The following OSBPL6 variants were observed in gnomAD, a reference collection of about 807,000 sequenced individuals.
OSBPL6 encodes oxysterol binding protein like 6.
In OSBPL6, 49 loss-of-function variants were observed where a neutral mutation model predicts 125.8. The observed-to-expected ratio is 0.39, with a 90% CI of 0.31 to 0.49. The LOEUF is 0.49. Among genes scored for constraint, OSBPL6 ranks in the 20% least tolerant of loss-of-function variants. The probability of loss-of-function intolerance (pLI) is 0.88; values close to 1 mark genes in which losing one functional copy is unlikely to be tolerated. For missense variants in OSBPL6, 986 were observed against 1,135.4 expected (o/e 0.87, Z 1.89); for synonymous variants, 394 against 391.8 (o/e 1.01, Z -0.07).
chr2:178,348,750 T>C (rs1262229759), intron 11 of OSBPL6, among the ~76,000 whole-genome samples: 1 of 152,238 alleles, frequency 6.6e-6, no homozygotes, highest in Admixed American at 6.5e-5. Context: ...AAGCCTGATT[T>C]GTTTTTTATT....
At position 178,359,932 on chromosome 2, in the gene OSBPL6, C is replaced by T. The variant is rs144031835; in HGVS notation, c.1154-1750C>T. Among the ~76,000 whole-genome samples the T allele has an allele frequency of 2.1e-3, 314 of 152,192 alleles. 1 individual carries two copies. Among genetic ancestry groups the T allele is most frequent in the Middle Eastern group, 0.01 (3 of 294 alleles). On this transcript the variant is annotated intron_variant, in intron 12 of 24. Transcript: ENST00000190611. Reference sequence around the variant, plus strand: ...GCAAATCCCGTCTCTACTAAAATTACGAAAATTAGTCAGGCGTGGTGGTGC... The same window carrying T: ...GCAAATCCCGTCTCTACTAAAATTATGAAAATTAGTCAGGCGTGGTGGTGC...
intron 3 of OSBPL6, chr2:178,323,739 A>G (rs186347094): frequency 2.0e-5 from 3 of 152,714 alleles, no homozygotes; most frequent in African/African-American, 7.2e-5. Flanking sequence ...CTGAGATTAC[A>G]AGCATGAGCC....
At position 178,339,726 on chromosome 2, in the gene OSBPL6, A is replaced by G. The variant is rs766089770; in HGVS notation, c.949A>G (p.Thr317Ala). 2 of 1,606,734 alleles carry G rather than the reference A, an allele frequency of 1.2e-6. No individual in the cohort carries two copies. The highest frequency in any genetic ancestry group is 1.1e-5 in the South Asian group (1 of 89,618). Residue 317 changes from threonine to alanine, a missense_variant, in exon 11 of 25, where the codon ACA becomes GCA. By Grantham distance (58) the Thr-to-Ala change is moderately conservative. Around this residue, in one of 3 missense-constraint regions of OSBPL6, gnomAD observed 843 missense variants for 997.3 expected, o/e 0.85. Transcript: ENST00000190611. The stretch of plus-strand genomic sequence containing the variant: ...CAAGCGGGTCACAAGACGATGGAGA[A>G]CAAAAAGTGTCAGCAAAGATACAAA... ...KDKRVTRRWR[T>A]KSVSKDTKIQ...
chr2:178,392,563 A>G, intron 23 of OSBPL6, 25 bp downstream of exon 23: 1 of 1,611,928 alleles, frequency 6.2e-7, no homozygotes, highest in East Asian at 2.2e-5. Flanking sequence ...GGTATTTAAT[A>G]TGCAGACTAT....
chr2:178,289,296 G>A lies in OSBPL6; in HGVS notation c.-156+4175G>A, dbSNP rs192811930. Among the ~76,000 whole-genome samples the A allele has an allele frequency of 3.0e-3, 464 of 152,226 alleles. 7 individuals carry two copies. The highest frequency in any genetic ancestry group is 0.011 in the African/African-American group (446 of 41,542). On this transcript the variant is annotated intron_variant, in intron 2 of 24. Coordinates refer to ENST00000190611, the MANE Select transcript of OSBPL6 (RefSeq NM_032523.4). The stretch of plus-strand genomic sequence containing the variant: ...CTCCCAGAGTGCTGGGATTACAGGC[G>A]TGAGCTACTGTGCCCAGCCAGTTTT...
chr2:178,379,118 G>A (rs928214570), intron 15 of OSBPL6, among the ~76,000 whole-genome samples: 13 of 151,876 alleles, frequency 8.6e-5, no homozygotes, highest in South Asian at 4.2e-4. Flanking sequence ...GCTGTGTCGA[G>A]CTGTGATTGT....
At chr2:178,251,071 CTG>C (rs1018759791) in intron 1 of OSBPL6, among the ~76,000 whole-genome samples, 1 of 152,052 alleles carries the variant, frequency 6.6e-6, no homozygotes, top group Admixed American at 6.6e-5. Flanking sequence ...ATTTGATTCT[CTG>C]TGTTTGTCCA....
At chr2:178,342,190 G>C (rs758402779) in intron 11 of OSBPL6, among the ~76,000 whole-genome samples, 1 of 152,082 alleles carries the variant, frequency 6.6e-6, no homozygotes, top group Non-Finnish European at 1.5e-5. Context: ...AGGCTCTCAA[G>C]CAGTGAGAGC....
At chr2:178,225,146 T>A (rs2153973893) in intron 1 of OSBPL6, among the ~76,000 whole-genome samples, 1 of 151,538 alleles carries the variant, frequency 6.6e-6, no homozygotes, top group East Asian at 1.9e-4. Context: ...ATGCAGATGC[T>A]AATAGGCAGA....
At position 178,395,465 on chromosome 2, in the gene OSBPL6, CCAAT is replaced by C. The variant is rs1235495505; in HGVS notation, c.2715_2718del (p.Asn905LysfsTer23). On this transcript the variant is annotated frameshift_variant, in exon 25 of 25. Coordinates refer to ENST00000190611, the MANE Select transcript of OSBPL6 (RefSeq NM_032523.4). LOFTEE classifies it high-confidence loss of function. ...TATTTTCACAGAAAAGTTATTGATG[CCAAT>C]CAAAGAGAAGCCTGGGTTTCTAACG... The C allele has an allele frequency of 6.2e-7, 1 of 1,612,910 alleles. No homozygotes were observed.
chr2:178,322,835 T>C (rs1329470127), intron 3 of OSBPL6, among the ~76,000 whole-genome samples: 1 of 152,062 alleles, frequency 6.6e-6, no homozygotes, highest in Non-Finnish European at 1.5e-5. Context: ...GTGACACTTG[T>C]ATCTTTGATC....
intron 3 of OSBPL6, among the ~76,000 whole-genome samples, chr2:178,310,196 G>A (rs1202512445): frequency 6.6e-6 from 1 of 152,110 alleles, no homozygotes; most frequent in Non-Finnish European, 1.5e-5. Context: ...TTCCAGTGTA[G>A]TTGGGATATT....
At chr2:178,317,227 A>G (rs945577159) in intron 3 of OSBPL6, among the ~76,000 whole-genome samples, 8 of 151,326 alleles carry the variant, frequency 5.3e-5, no homozygotes, top group Non-Finnish European at 8.8e-5. Context: ...ATTAAAATAT[A>G]ATGAAATTGC....
chr2:178,261,392 TG>T (rs2092056854), intron 1 of OSBPL6, among the ~76,000 whole-genome samples: 1 of 138,032 alleles, frequency 7.2e-6, no homozygotes, highest in East Asian at 2.1e-4. Flanking sequence ...ACATTATAAT[TG>T]AAAAAAAAAA....
At chr2:178,237,639 G>C (rs1574583487) in intron 1 of OSBPL6, among the ~76,000 whole-genome samples, 1 of 152,100 alleles carries the variant, frequency 6.6e-6, no homozygotes, top group South Asian at 2.1e-4. Context: ...TTTTGGGCTG[G>C]ATAATTCTTT....
At chr2:178,285,943 C>T (rs533673769) in intron 2 of OSBPL6, among the ~76,000 whole-genome samples, 3 of 152,144 alleles carry the variant, frequency 2.0e-5, no homozygotes, top group Admixed American at 6.5e-5. Context: ...GATGCCATTC[C>T]CGCCCTTTCC....
intron 1 of OSBPL6, among the ~76,000 whole-genome samples, chr2:178,281,551 G>C (rs1195641548): frequency 6.6e-6 from 1 of 152,024 alleles, no homozygotes; most frequent in East Asian, 1.9e-4. Context: ...GCTTGTTTTT[G>C]TCACGTTTGT....
At chr2:178,320,602 A>C (rs1688152034) in intron 3 of OSBPL6, among the ~76,000 whole-genome samples, 1 of 152,258 alleles carries the variant, frequency 6.6e-6, no homozygotes, top group East Asian at 1.9e-4. Context: ...TCACTCTGAA[A>C]GAATATGAAA....
At chr2:178,378,578 A>T (rs1258979708) in intron 15 of OSBPL6, among the ~76,000 whole-genome samples, 4 of 152,186 alleles carry the variant, frequency 2.6e-5, no homozygotes, top group Non-Finnish European at 5.9e-5. Context: ...CACATTTAGG[A>T]AAAATATATA....
Sources: gnomAD v4.1 joint callset for allele counts (sites outside exome capture counted in the v4.1 genomes callset) on GRCh38, gnomAD v4.1.1 for gene constraint, gnomAD v4.1.1 regional missense constraint, MANE v1.5 for transcripts, NCBI Gene and HGNC (gene_info 2026-07-23, HGNC 2026-07-21) for gene names.